ZMYM4: variants seen among roughly 807,000 people sequenced by gnomAD.
The protein encoded by ZMYM4 is zinc finger MYM-type containing 4.
In ZMYM4, 31 loss-of-function variants were observed where a neutral mutation model predicts 183.2. The observed-to-expected ratio is 0.17, with a 90% CI of 0.13 to 0.23. The LOEUF (loss-of-function observed/expected upper bound fraction) is 0.23, where lower values mean the gene tolerates loss of function less well. Among genes scored for constraint, ZMYM4 ranks in the 10% least tolerant of loss-of-function variants. The pLI, the probability that ZMYM4 is intolerant of heterozygous loss-of-function variation, is 1.00. For missense variants in ZMYM4, 1,273 were observed against 1,840.3 expected (o/e 0.69, Z 5.64); for synonymous variants, 592 against 631.2 (o/e 0.94, Z 0.93).
chr1:35,270,036 C>G (rs1054301690), intron 1 of ZMYM4, among the ~76,000 whole-genome samples: 21 of 152,232 alleles, frequency 1.4e-4, no homozygotes, highest in Middle Eastern at 6.8e-3. Context: ...TTCAGCTTAG[C>G]GTAAAATTAG....
chr1:35,398,290 G>A, intron 20 of ZMYM4, 123 bp from the exon 21 acceptor site: 1 of 771,016 alleles, frequency 1.3e-6, no homozygotes, highest in Non-Finnish European at 2.1e-6. Context: ...TATTCTTTCT[G>A]CATATGAAAT....
In ZMYM4 at chr1:35,309,932, T is replaced by G. The variant is rs996035411; in HGVS notation, c.40-15428T>G. Among the ~76,000 whole-genome samples, 6 of 104,988 alleles carry G rather than the reference T, an allele frequency of 5.7e-5. No individual in the cohort carries two copies. In the East Asian group the frequency reaches 4.0e-3, roughly 69 times the overall value. 68.9% of individuals were successfully genotyped at this position (104,988 alleles called of 152,430 possible). A position where few individuals can be genotyped will look rare whatever the true frequency, so the allele number is the denominator to read the frequency against. On this transcript the variant is annotated intron_variant, in intron 1 of 29. Coordinates refer to ENST00000314607, the MANE Select transcript of ZMYM4 (RefSeq NM_005095.3). ...TTTTTGTGTTGTGTGTTTTTTTTTG[T>G]TTTTTTTTTTTTGAGATGGAGTTTC... is the stretch of plus-strand genomic sequence containing the variant.
At chr1:35,385,983 T>G in intron 10 of ZMYM4, 91 bp from the exon 11 acceptor site, 1 of 855,378 alleles carries the variant, frequency 1.2e-6, no homozygotes, top group Non-Finnish European at 1.7e-6. Flanking sequence ...GGCTCTTAAA[T>G]TTTCTTATAT....
intron 2 of ZMYM4, among the ~76,000 whole-genome samples, chr1:35,343,437 T>G (rs1442136946): frequency 6.6e-6 from 1 of 152,230 alleles, no homozygotes; most frequent in African/African-American, 2.4e-5. Context: ...TTGGATTGAT[T>G]TACCTTGGCA....
intron 2 of ZMYM4, among the ~76,000 whole-genome samples, chr1:35,346,349 C>A (rs1399605400): frequency 6.6e-6 from 1 of 152,128 alleles, no homozygotes; most frequent in African/African-American, 2.4e-5. Flanking sequence ...TTGAACTTAA[C>A]TCAGAAATAG....
At chr1:35,318,063 T>G (rs1348859130) in intron 1 of ZMYM4, among the ~76,000 whole-genome samples, 3 of 148,014 alleles carry the variant, frequency 2.0e-5, no homozygotes, top group Admixed American at 6.7e-5. Flanking sequence ...AGTTTTTTTT[T>G]TTTTTTTTTT....
intron 1 of ZMYM4, among the ~76,000 whole-genome samples, chr1:35,276,755 G>A (rs567110219): frequency 2.8e-4 from 42 of 152,186 alleles, no homozygotes; most frequent in Admixed American, 1.6e-3. Flanking sequence ...TTATAGGCAT[G>A]CACCACCAGC....
At chr1:35,315,234 G>C (rs568514759) in intron 1 of ZMYM4, among the ~76,000 whole-genome samples, 6 of 151,886 alleles carry the variant, frequency 4.0e-5, no homozygotes, top group African/African-American at 1.5e-4. Context: ...CAAAAGATAC[G>C]TTTTGCAAAA....
rs750561080 is a variant in ZMYM4 at position 35,389,928 on chromosome 1, G to A, written c.2437-20G>A. ...ACAGATAATTTGTTTCTTACTCCTT[G>A]ACTACCTTCTTCTTTTTAGATGGCC... On this transcript the variant is annotated intron_variant, in intron 14 of 29. Coordinates refer to ENST00000314607, the MANE Select transcript of ZMYM4 (RefSeq NM_005095.3). This position sits in a 1 kb window ranked among gnomAD's most constrained non-coding sequence, Gnocchi z 4.0. 1.0e-5 allele frequency: 16 copies of A among 1,593,306 alleles called. No individual in the cohort carries two copies. The highest frequency in any genetic ancestry group is 1.4e-5 in the Non-Finnish European group (16 of 1,165,848).
intron 2 of ZMYM4, among the ~76,000 whole-genome samples, chr1:35,350,165 G>A (rs1643548108): frequency 6.9e-6 from 1 of 145,346 alleles, no homozygotes. Context: ...AGGTCTTGCT[G>A]TGTTGCCCAA....
intron 1 of ZMYM4, among the ~76,000 whole-genome samples, chr1:35,322,759 G>A (rs1438800077): frequency 1.3e-5 from 2 of 151,940 alleles, no homozygotes; most frequent in Non-Finnish European, 2.9e-5. Context: ...GCGTGATCTC[G>A]GCTCACTGTA....
chr1:35,279,682 C>T (rs1311458287), intron 1 of ZMYM4, among the ~76,000 whole-genome samples: 6 of 152,212 alleles, frequency 3.9e-5, no homozygotes, highest in Admixed American at 3.9e-4. Context: ...ACCTTCAGCA[C>T]TTTGCTTGGA....
At chr1:35,280,732 G>A (rs939941944) in intron 1 of ZMYM4, among the ~76,000 whole-genome samples, 5 of 152,004 alleles carry the variant, frequency 3.3e-5, no homozygotes, top group African/African-American at 1.2e-4. Context: ...TCTTTACATG[G>A]CATTATCTCT....
At chr1:35,315,722 T>C (rs1347319155) in intron 1 of ZMYM4, among the ~76,000 whole-genome samples, 5 of 152,180 alleles carry the variant, frequency 3.3e-5, no homozygotes, top group African/African-American at 9.6e-5. Context: ...CGCTTTAGCC[T>C]GGGGGTTTGG....
At chr1:35,379,487 C>T (rs1237253614) in intron 7 of ZMYM4, among the ~76,000 whole-genome samples, 3 of 152,226 alleles carry the variant, frequency 2.0e-5, no homozygotes, top group Admixed American at 6.5e-5. Flanking sequence ...CCGCCCGCCT[C>T]GGCCTTCCAA....
chr1:35,378,474 A>C (rs780233699), intron 7 of ZMYM4, among the ~76,000 whole-genome samples: 5 of 152,234 alleles, frequency 3.3e-5, no homozygotes, highest in African/African-American at 4.8e-5. Flanking sequence ...AGGCTGCAGA[A>C]TAGATACTGG....
intron 5 of ZMYM4, among the ~76,000 whole-genome samples, chr1:35,365,639 A>G (rs1644059017): frequency 6.6e-6 from 1 of 152,196 alleles, no homozygotes; most frequent in South Asian, 2.1e-4. Flanking sequence ...ATTCATTTCT[A>G]AAATACTTTC....
At chr1:35,373,890 A>C (rs1328208022) in intron 7 of ZMYM4, among the ~76,000 whole-genome samples, 1 of 152,050 alleles carries the variant, frequency 6.6e-6, no homozygotes, top group Non-Finnish European at 1.5e-5. Flanking sequence ...GTTATAACTT[A>C]TGTAGTAAAA....
At chr1:35,385,681 T>G (rs1558139636) in intron 10 of ZMYM4, 89 bp downstream of exon 10, 1 of 1,400,536 alleles carries the variant, frequency 7.1e-7, no homozygotes, top group East Asian at 2.5e-5. Flanking sequence ...GGTTGATTTT[T>G]AAGGCACATT....
Sources: allele counts gnomAD v4.1 joint callset (sites outside exome capture counted in the v4.1 genomes callset), GRCh38; gene constraint gnomAD v4.1.1; non-coding constraint Gnocchi (gnomAD v3.1); transcripts MANE v1.5; gene names NCBI Gene and HGNC (gene_info 2026-07-23, HGNC 2026-07-21).